MFAP5: variants seen among roughly 807,000 people sequenced by gnomAD.
MFAP5 encodes the protein microfibrillar-associated protein 5.
Under a neutral mutation model 30.1 loss-of-function variants are expected in MFAP5, and 19 were observed. The ratio of observed to expected loss-of-function variants is 0.63; its 90% CI spans 0.44 to 0.93. MFAP5 has a LOEUF of 0.93. Among genes scored for constraint, MFAP5 ranks in the 40% least tolerant of loss-of-function variants. The pLI, the probability that MFAP5 is intolerant of heterozygous loss-of-function variation, is 0.00. For missense variants in MFAP5, 210 were observed against 221.3 expected (o/e 0.95, Z 0.32); for synonymous variants, 92 against 72.9 (o/e 1.26, Z -1.33).
At chr12:8,653,369 C>T (rs747980254) in intron 6 of MFAP5, among the ~76,000 whole-genome samples, 2 of 152,214 alleles carry the variant, frequency 1.3e-5, no homozygotes, top group East Asian at 1.9e-4. Context: ...CGATCAATCA[C>T]GGTCAAATCA....
rs1338153639 is a variant in MFAP5 at position 8,654,432 on chromosome 12, C to T, written c.217+5G>A. 2 of 1,598,576 alleles carry T rather than the reference C, an allele frequency of 1.3e-6. No homozygotes were observed. The highest frequency in any genetic ancestry group is 8.5e-7 in the Non-Finnish European group (1 of 1,172,498). On this transcript the variant is annotated splice_donor_5th_base_variant and intron_variant, in intron 6 of 9. Transcript: ENST00000359478. Reference sequence around the variant, plus strand: ...ATGACCTGGGGGTCCCAGATCTGAACTCACCCAAGTCATCTGTGGAAGGTG... The same window carrying T: ...ATGACCTGGGGGTCCCAGATCTGAATTCACCCAAGTCATCTGTGGAAGGTG...
intron 6 of MFAP5, among the ~76,000 whole-genome samples, chr12:8,653,840 A>G (rs1249836813): frequency 1.3e-5 from 2 of 152,188 alleles, no homozygotes; most frequent in East Asian, 3.8e-4. Flanking sequence ...TTCAATAATG[A>G]TTTGTTAAAA....
Position 8,662,087 on chromosome 12 carries a change from G to A in MFAP5, c.18C>T (p.Pro6=). The A allele has an allele frequency of 6.2e-7, 1 of 1,613,718 alleles. No homozygotes were observed. The highest frequency in any genetic ancestry group is 2.2e-5 in the East Asian group (1 of 44,878). The change falls in exon 2 of 10, where the codon CCC becomes CCT. Residue 6 remains proline (P), a synonymous_variant. Coordinates refer to ENST00000359478, the MANE Select transcript of MFAP5 (RefSeq NM_003480.4). MSLLG[P]KVLLFLAAFI... ...ATGCAGCAAGAAACAGCAGCACCTTGGGTCCCAAGAGCGACATATCTATAG... is the reference window on the plus strand; with the variant it reads ...ATGCAGCAAGAAACAGCAGCACCTTAGGTCCCAAGAGCGACATATCTATAG...
chr12:8,655,863 T>C, intron 3 of MFAP5, 33 bp from the exon 4 acceptor site: 1 of 1,587,884 alleles, frequency 6.3e-7, no homozygotes, highest in Non-Finnish European at 8.6e-7. Context: ...ATTTCTGAGA[T>C]TCTCTGTCTC....
Position 8,650,517 on chromosome 12 carries a change from T to C in MFAP5, c.320A>G (p.Gln107Arg). The change falls in exon 8 of 10, where the codon CAG (glutamine) becomes CGG (arginine). Residue 107 changes from glutamine (Q) to arginine (R), a missense_variant. Coordinates refer to ENST00000359478, the MANE Select transcript of MFAP5 (RefSeq NM_003480.4). ...VHRPVKQCIH[Q>R]LCFTSLRRMY... ...GATCCCTTACCTGGTGAAGCATAAC[T>C]GATGAATGCATTGTTTAACCGGCCG... 6.2e-7 allele frequency: 1 copy of C among 1,614,052 alleles called. No homozygotes were observed. The highest frequency in any genetic ancestry group is 1.1e-5 in the South Asian group (1 of 91,084).
rs1941968866 is a variant in MFAP5, at chr12:8,655,911, A to G, written c.95-81T>C. On this transcript the variant is annotated intron_variant, in intron 3 of 9. Transcript: ENST00000359478. ...GCACTTCCAGTAAGTTAAATTGCGA[A>G]GCATAGTGCCCAGCGGAGTTGAGTA... 2 of 1,259,224 alleles carry G rather than the reference A, an allele frequency of 1.6e-6. 1 individual carries two copies. Among genetic ancestry groups the G allele is most frequent in the South Asian group, 2.4e-5 (2 of 83,490 alleles). 78.0% of individuals were successfully genotyped at this position (1,259,224 alleles called of 1,614,324 possible).
chr12:8,656,666 A>ATTTTTT (rs1465516929), intron 3 of MFAP5, among the ~76,000 whole-genome samples: 2 of 121,332 alleles, frequency 1.6e-5, no homozygotes, highest in African/African-American at 3.5e-5. Flanking sequence ...ATATATATAT[A>ATTTTTT]TATTTTTTTT....
chr12:8,656,415 GA>G (rs35170492), intron 3 of MFAP5, among the ~76,000 whole-genome samples: 14 of 129,474 alleles, frequency 1.1e-4, no homozygotes, highest in Admixed American at 1.6e-4. Context: ...AGGTAGTATT[GA>G]TTTTTTTTTT....
chr12:8,655,925 C>T (rs1355274486), intron 3 of MFAP5, 95 bp from the exon 4 acceptor site: 16 of 1,061,490 alleles, frequency 1.5e-5, no homozygotes, highest in Non-Finnish European at 2.3e-5. Context: ...TAGTGCCCAG[C>T]GGAGTTGAGT....
chr12:8,654,609 A>G, intron 5 of MFAP5, 128 bp from the exon 6 acceptor site: 10 of 777,944 alleles, frequency 1.3e-5, no homozygotes, highest in African/African-American at 1.8e-5. Context: ...TTTTATGTAT[A>G]AGGGAATAGA....
At position 8,647,944 on chromosome 12, in the gene MFAP5, A is replaced by C; in HGVS notation, c.*147T>G. ...ATAAATGTTATCAGTTTGGGTGAAA[A>C]AGTAGAGAGTAGGGGTAAAAGCTGG... On this transcript the variant is annotated 3_prime_UTR_variant, in exon 10 of 10. Coordinates refer to ENST00000359478, the MANE Select transcript of MFAP5 (RefSeq NM_003480.4). 1 of 543,574 alleles carries C rather than the reference A, an allele frequency of 1.8e-6. No homozygotes were observed. The highest frequency in any genetic ancestry group is 3.3e-6 in the Non-Finnish European group (1 of 303,870). The allele number at this position is 543,574 out of a possible 1,614,324, so 33.7% of individuals were successfully genotyped here. A position where few individuals can be genotyped will look rare whatever the true frequency, so the allele number is the denominator to read the frequency against.
chr12:8,656,941 TACAGGTGTGAGCC>T (rs1488637782), intron 3 of MFAP5, among the ~76,000 whole-genome samples: 1 of 152,108 alleles, frequency 6.6e-6, no homozygotes, highest in Admixed American at 6.5e-5. Flanking sequence ...GTGCTAGGAT[TACAGGTGTGAGCC>T]ACTGCACCTG....
At chr12:8,655,703 T>C (rs1048716803) in intron 4 of MFAP5, 83 bp downstream of exon 4, 1 of 1,506,080 alleles carries the variant, frequency 6.6e-7, no homozygotes, top group Non-Finnish European at 9.1e-7. Flanking sequence ...TTCTGAAGTC[T>C]TTATTTTTCT....
At chr12:8,648,639 C>G (rs1941748837) in intron 9 of MFAP5, 2 of 714,910 alleles carry the variant, frequency 2.8e-6, no homozygotes, top group Non-Finnish European at 4.1e-6. Context: ...TAGGAAGTCC[C>G]TTGAGATACT....
chr12:8,655,526 T>A, intron 4 of MFAP5, 79 bp from the exon 5 acceptor site: 4 of 1,438,772 alleles, frequency 2.8e-6, no homozygotes, highest in African/African-American at 2.9e-5. Context: ...GGGACGATGA[T>A]CTCAAAGGAG....
At chr12:8,661,229 C>T (rs1363505424) in intron 2 of MFAP5, among the ~76,000 whole-genome samples, 2 of 152,174 alleles carry the variant, frequency 1.3e-5, no homozygotes, top group African/African-American at 4.8e-5. Flanking sequence ...AGAGGCCTGG[C>T]AGCCCTTCTA....
Position 8,650,933 on chromosome 12 carries a change from G to A in MFAP5, c.248-344C>T, listed in dbSNP as rs773147039. Among the ~76,000 whole-genome samples, 10 of 152,242 alleles carry A rather than the reference G, an allele frequency of 6.6e-5. No individual in the cohort carries two copies. The South Asian group carries it at 8.3e-4, about 13-fold the overall frequency. ...TGTAATTCCAGCACTTTGCGGGGAC[G>A]AGGCGGGCAGATCACCTGAAGTCAG... On this transcript the variant is annotated intron_variant, in intron 7 of 9. Transcript: ENST00000359478.
At chr12:8,660,502 A>C (rs775414247) in intron 3 of MFAP5, among the ~76,000 whole-genome samples, 1 of 151,990 alleles carries the variant, frequency 6.6e-6, no homozygotes, top group South Asian at 2.1e-4. Context: ...TCATTTTTCC[A>C]CTGTTACATG....
chr12:8,651,557 G>T, intron 7 of MFAP5, 105 bp downstream of exon 7: 3 of 1,133,450 alleles, frequency 2.6e-6, no homozygotes, highest in South Asian at 1.3e-5. Flanking sequence ...AGAAATAATT[G>T]GAAGTAAACT....
Sources: gnomAD v4.1 joint callset for allele counts (sites outside exome capture counted in the v4.1 genomes callset) on GRCh38, gnomAD v4.1.1 for gene constraint, MANE v1.5 for transcripts, NCBI Gene and HGNC (gene_info 2026-07-23, HGNC 2026-07-21) for gene names.